FBN1: variants seen among roughly 807,000 people sequenced by gnomAD.
FBN1 encodes the protein fibrillin 1, also known as fibrillin-1.
In FBN1, 29 loss-of-function variants were observed where a neutral mutation model predicts 365.1. That is an observed-to-expected ratio of 0.08 (90% CI 0.06 to 0.11). FBN1 has a LOEUF of 0.11. FBN1 is among the 10% of genes least tolerant of loss of function. The pLI, the probability that FBN1 is intolerant of heterozygous loss-of-function variation, is 1.00. For missense variants in FBN1, 2,476 were observed against 3,703.2 expected (o/e 0.67, Z 8.60); for synonymous variants, 1,210 against 1,270.5 (o/e 0.95, Z 1.01).
chr15:48,629,903 G>T (rs1053514302), intron 2 of FBN1, among the ~76,000 whole-genome samples: 1 of 152,112 alleles, frequency 6.6e-6, no homozygotes. Context: ...ACCTTTATCT[G>T]TTACGCAGCT....
At position 48,415,384 on chromosome 15, in the gene FBN1, C is replaced by A. The variant is rs190670359; in HGVS notation, c.8051+152G>T. Reference sequence around the variant, plus strand: ...AGATGCTTCCTTCCAAATAAAATAACCTAAAACTTTTGCCAAGCTAACTGG... The same window carrying A: ...AGATGCTTCCTTCCAAATAAAATAAACTAAAACTTTTGCCAAGCTAACTGG... On this transcript the variant is annotated intron_variant, in intron 64 of 65. Coordinates refer to ENST00000316623, the MANE Select transcript of FBN1 (RefSeq NM_000138.5). 4.5e-4 allele frequency: 306 copies of A among 685,218 alleles called. 1 individual carries two copies. In the African/African-American group the frequency reaches 4.8e-3, roughly 11 times the overall value. 42.4% of individuals were successfully genotyped at this position (685,218 alleles called of 1,614,324 possible). A position where few individuals can be genotyped will look rare whatever the true frequency, so the allele number is the denominator to read the frequency against.
At position 48,534,136 on chromosome 15, in the gene FBN1, A is replaced by G. The variant is rs951026080; in HGVS notation, c.806T>C (p.Phe269Ser). 2 of 1,614,042 alleles carry G rather than the reference A, an allele frequency of 1.2e-6. No homozygotes were observed. Among genetic ancestry groups the G allele is most frequent in the Non-Finnish European group, 1.7e-6 (2 of 1,180,000 alleles). The change falls in exon 8 of 66, where the codon TTT becomes TCT. Residue 269 changes from phenylalanine (F) to serine (S), a missense_variant. Around this residue, in one of 5 missense-constraint regions of FBN1, gnomAD observed 421 missense variants for 520.1 expected, o/e 0.81. Transcript: ENST00000316623. ...GTGTCCAGCAGGGCATTTGCACTCA[A>G]AAGACCCAACAGTATTAATGCAATT... ...GGNCINTVGS[F>S]ECKCPAGHKL...
At chr15:48,528,811 T>C (rs964359344) in intron 8 of FBN1, among the ~76,000 whole-genome samples, 54 of 152,288 alleles carry the variant, frequency 3.5e-4, no homozygotes, top group African/African-American at 1.2e-3. Flanking sequence ...CCCTTTTGCC[T>C]TCAGGTGTCT....
intron 50 of FBN1, among the ~76,000 whole-genome samples, chr15:48,440,784 C>G (rs1233761606): frequency 6.6e-6 from 1 of 151,896 alleles, no homozygotes; most frequent in Non-Finnish European, 1.5e-5. Flanking sequence ...GATTAAATGA[C>G]TTGCTCTAGA....
chr15:48,592,089 G>A (rs1354992941), intron 6 of FBN1, among the ~76,000 whole-genome samples: 1 of 152,194 alleles, frequency 6.6e-6, no homozygotes, highest in Admixed American at 6.5e-5. Context: ...CATGTCAGCT[G>A]TTCTTACGTC....
At chr15:48,506,539 T>C (rs962284768) in intron 15 of FBN1, among the ~76,000 whole-genome samples, 5 of 152,194 alleles carry the variant, frequency 3.3e-5, no homozygotes, top group Non-Finnish European at 7.3e-5. Context: ...ACCTGAAAGG[T>C]AACACAAAGG....
chr15:48,531,711 C>T (rs1340116833), intron 8 of FBN1, among the ~76,000 whole-genome samples: 4 of 152,066 alleles, frequency 2.6e-5, no homozygotes, highest in African/African-American at 4.8e-5. Flanking sequence ...GCAAGGACGT[C>T]GAAAAAGTGA....
intron 17 of FBN1, among the ~76,000 whole-genome samples, chr15:48,500,035 T>C (rs2043641594): frequency 6.6e-6 from 1 of 152,224 alleles, no homozygotes; most frequent in Admixed American, 6.5e-5. Context: ...AAGATTATCA[T>C]GTCTTCTAAC....
rs117657335 is a variant in FBN1 at position 48,562,295 on chromosome 15, G to C, written c.539-24487C>G. Among the ~76,000 whole-genome samples, 159 of 152,284 alleles carry C rather than the reference G, an allele frequency of 1.0e-3. 5 individuals carry two copies. In the East Asian group the frequency reaches 0.029, roughly 28 times the overall value. ...TTTGGCAGACCGTAGGCCACAAAGA[G>C]GCCATGGATTACTGTGATATATCTA... On this transcript the variant is annotated intron_variant, in intron 6 of 65. Coordinates refer to ENST00000316623, the MANE Select transcript of FBN1 (RefSeq NM_000138.5).
intron 6 of FBN1, among the ~76,000 whole-genome samples, chr15:48,562,362 G>A (rs556000061): frequency 2.6e-5 from 4 of 152,288 alleles, no homozygotes; most frequent in Admixed American, 2.6e-4. Context: ...ATGTAACACA[G>A]TAACCCACAG....
chr15:48,460,454 C>T, intron 42 of FBN1, 137 bp from the exon 43 acceptor site: 1 of 666,384 alleles, frequency 1.5e-6, no homozygotes, highest in Non-Finnish European at 2.7e-6. Flanking sequence ...AAAAAGTAAA[C>T]CTGAAAATTC....
chr15:48,461,925 G>T (rs2620361), intron 42 of FBN1, among the ~76,000 whole-genome samples: 99,730 of 151,956 alleles, frequency 0.66, 34,061 homozygotes, highest in Middle Eastern at 0.77. Flanking sequence ...ATCCTTCTTA[G>T]CTTGCAGGCC....
intron 50 of FBN1, among the ~76,000 whole-genome samples, chr15:48,439,238 T>C (rs1333000314): frequency 6.6e-6 from 1 of 152,250 alleles, no homozygotes; most frequent in Non-Finnish European, 1.5e-5. Flanking sequence ...CCAGTAAACC[T>C]GCTCAACCTT....
At chr15:48,517,578 T>A (rs1467830726) in intron 10 of FBN1, among the ~76,000 whole-genome samples, 1 of 152,238 alleles carries the variant, frequency 6.6e-6, no homozygotes, top group Non-Finnish European at 1.5e-5. Context: ...CATCTTTAGG[T>A]TTCCACACAT....
intron 6 of FBN1, among the ~76,000 whole-genome samples, chr15:48,585,024 T>C (rs1161641148): frequency 6.6e-6 from 1 of 152,244 alleles, no homozygotes; most frequent in African/African-American, 2.4e-5. Context: ...AATATATCAT[T>C]GGAATCCCTA....
intron 2 of FBN1, among the ~76,000 whole-genome samples, chr15:48,621,473 A>C (rs550540367): frequency 1.1e-4 from 17 of 152,330 alleles, no homozygotes; most frequent in African/African-American, 3.8e-4. Flanking sequence ...AATTCCACTA[A>C]GGGCCATTCT....
chr15:48,521,166 GAA>G (rs1178589296), intron 9 of FBN1, among the ~76,000 whole-genome samples: 1 of 152,240 alleles, frequency 6.6e-6, no homozygotes, highest in African/African-American at 2.4e-5. Flanking sequence ...TCTCTATGCT[GAA>G]GAGAGACTGG....
At chr15:48,550,847 T>C (rs953309441) in intron 6 of FBN1, among the ~76,000 whole-genome samples, 15 of 152,168 alleles carry the variant, frequency 9.9e-5, no homozygotes, top group Non-Finnish European at 1.9e-4. Flanking sequence ...CTCTCACTTA[T>C]ATGATTGTCT....
chr15:48,584,295 A>G (rs182898382), intron 6 of FBN1, among the ~76,000 whole-genome samples: 2 of 152,272 alleles, frequency 1.3e-5, no homozygotes, highest in Admixed American at 1.3e-4. Context: ...AAGGCCACCA[A>G]TCCAGCAAGT....
Sources: allele counts gnomAD v4.1 joint callset (sites outside exome capture counted in the v4.1 genomes callset), GRCh38; gene constraint gnomAD v4.1.1; regional missense constraint gnomAD v4.1.1; transcripts MANE v1.5; gene names NCBI Gene and HGNC (gene_info 2026-07-23, HGNC 2026-07-21).